The following LRRC61 variants were observed in gnomAD, a reference collection of about 807,000 sequenced individuals.
LRRC61 encodes leucine rich repeat containing 61, also known as leucine-rich repeat-containing protein 61.
A neutral mutation model predicts 15.1 loss-of-function variants in LRRC61; 9 were observed. The ratio of observed to expected loss-of-function variants is 0.60; its 90% CI spans 0.36 to 1.04. The LOEUF (loss-of-function observed/expected upper bound fraction) is 1.04, where lower values mean the gene tolerates loss of function less well. Among genes scored for constraint, LRRC61 ranks in the 50% least tolerant of loss-of-function variants. The pLI is 0.01. For missense variants in LRRC61, 344 were observed against 335.6 expected, an observed-to-expected ratio of 1.03 and a Z score of -0.20; for synonymous variants, 173 against 158.6, an observed-to-expected ratio of 1.09 and a Z score of -0.68.
At chr7:150,322,876 G>C (rs891425574), upstream of LRRC61, 2 of 152,314 alleles carry the variant, frequency 1.3e-5, no homozygotes, top group Admixed American at 1.3e-4. Flanking sequence ...CGATAGATGA[G>C]CCTTCCACGC....
Position 150,337,216 on chromosome 7 carries a change from G to T in LRRC61, c.355G>T (p.Ala119Ser). ...CACCCCGGGCCAGCTGCAGTGTCTG[G>T]CTGGGCTACCGTGCCTGGAGTACCT... is the stretch of plus-strand genomic sequence containing the variant. ...LATPGQLQCL[A>S]GLPCLEYLRL... Residue 119 changes from alanine to serine, a missense_variant, in exon 3 of 3, where the codon GCT (alanine) becomes TCT (serine). Transcript: ENST00000359623. 3.1e-6 allele frequency: 5 copies of T among 1,605,428 alleles called. No individual in the cohort carries two copies. Among genetic ancestry groups the T allele is most frequent in the Non-Finnish European group, 4.2e-6 (5 of 1,179,914 alleles).
In LRRC61 at chr7:150,323,451, C is replaced by A; in HGVS notation, c.-424C>A. 1 of 356,092 alleles carries A rather than the reference C, an allele frequency of 2.8e-6. No homozygotes were observed. Among genetic ancestry groups the A allele is most frequent in the South Asian group, 2.0e-5 (1 of 50,282 alleles). 22.1% of individuals were successfully genotyped at this position (356,092 alleles called of 1,614,324 possible). A position where few individuals can be genotyped will look rare whatever the true frequency, so the allele number is the denominator to read the frequency against. On this transcript the variant is annotated 5_prime_UTR_variant, in exon 1 of 3. Transcript: ENST00000359623. ...TCAGGGGCCGCCAGGCGGCGGGCGG[C>A]GGGGCTGCGGCTCTTACCTGCCGAG...
At position 150,336,809 on chromosome 7, in the gene LRRC61, A is replaced by G. The variant is rs957223541; in HGVS notation, c.-53A>G. 6.4e-7 allele frequency: 1 copy of G among 1,553,334 alleles called. No individual in the cohort carries two copies. Among genetic ancestry groups the G allele is most frequent in the Admixed American group, 1.8e-5 (1 of 56,010 alleles). On this transcript the variant is annotated 5_prime_UTR_variant, in exon 3 of 3. Coordinates refer to ENST00000359623, the MANE Select transcript of LRRC61 (RefSeq NM_001142928.2). Reference sequence around the variant, plus strand: ...GCGAGCACCAGCTGACCCCCAGTGGAACCCTGTGACAGTCCTGCCAGGGCC... The same window carrying G: ...GCGAGCACCAGCTGACCCCCAGTGGGACCCTGTGACAGTCCTGCCAGGGCC...
At chr7:150,322,968 G>C (rs539860513), upstream of LRRC61, 1 of 152,758 alleles carries the variant, frequency 6.5e-6, no homozygotes, top group Admixed American at 6.5e-5. Context: ...CGGGCGGTCA[G>C]CCTGGCACGC....
the LRRC61 span, among the ~76,000 whole-genome samples, chr7:150,310,727 A>C: frequency 1.3e-5 from 2 of 152,274 alleles, no homozygotes; most frequent in East Asian, 3.9e-4. Context: ...TTTCAGGAAC[A>C]GCCCACACTA....
the LRRC61 span, among the ~76,000 whole-genome samples, chr7:150,314,491 A>G: frequency 1.3e-5 from 2 of 152,094 alleles, no homozygotes; most frequent in African/African-American, 4.8e-5. Flanking sequence ...GGGGCGATGG[A>G]GCTTTGTGTA....
chr7:150,336,143 A>G (rs577584511), intron 2 of LRRC61, among the ~76,000 whole-genome samples: 1 of 152,340 alleles, frequency 6.6e-6, no homozygotes, highest in African/African-American at 2.4e-5. Context: ...ACTAAAGGCC[A>G]ACTTCTTATG....
Position 150,338,085 on chromosome 7 carries a change from C to A in LRRC61, c.*444C>A. 2.0e-6 allele frequency: 1 copy of A among 489,290 alleles called. No homozygotes were observed. Among genetic ancestry groups the A allele is most frequent in the Non-Finnish European group, 3.5e-6 (1 of 281,920 alleles). The allele number at this position is 489,290 out of a possible 1,614,324, so 30.3% of individuals were successfully genotyped here. On this transcript the variant is annotated 3_prime_UTR_variant, in exon 3 of 3. Transcript: ENST00000359623. ...CCTCTCCAGACTGCTCCTGCACTTA[C>A]CCCCTCCCCGCAGCACCTTCTCTGC...
At chr7:150,312,102 A>G in the LRRC61 span, among the ~76,000 whole-genome samples, 1 of 152,210 alleles carries the variant, frequency 6.6e-6, no homozygotes, top group South Asian at 2.1e-4. Flanking sequence ...CTACGCCAAC[A>G]AAATAGCCAA....
chr7:150,327,701 G>A (rs1435949878), intron 2 of LRRC61, among the ~76,000 whole-genome samples: 5 of 151,642 alleles, frequency 3.3e-5, no homozygotes, highest in Admixed American at 1.3e-4. Context: ...TACACCTGTA[G>A]TTCCAGCTAC....
chr7:150,325,242 G>A (rs1417494481), intron 1 of LRRC61, among the ~76,000 whole-genome samples: 4 of 152,122 alleles, frequency 2.6e-5, no homozygotes, highest in African/African-American at 4.8e-5. Context: ...CCATCACCCC[G>A]CCCTGCCGTC....
chr7:150,336,620 T>A, intron 2 of LRRC61, 98 bp from the exon 3 acceptor site: 1 of 574,816 alleles, frequency 1.7e-6, no homozygotes, highest in Non-Finnish European at 3.1e-6. Flanking sequence ...TGGCTGAGAT[T>A]GTTGGTTTTC....
rs1798068709 is a variant in LRRC61 at position 150,330,398 on chromosome 7, C to T, written c.-145+4388C>T. On this transcript the variant is annotated intron_variant, in intron 2 of 2. Coordinates refer to ENST00000359623, the MANE Select transcript of LRRC61 (RefSeq NM_001142928.2). This position sits in a 1 kb window ranked among gnomAD's most constrained non-coding sequence, Gnocchi z 4.6. ...ACAGCCTCAGCAAGCTCCTGTAGCC[C>T]TTCCAGATGGTGGTCCGCGAGGCGA... 1 of 767,704 alleles carries T rather than the reference C, an allele frequency of 1.3e-6. No homozygotes were observed. Among genetic ancestry groups the T allele is most frequent in the Middle Eastern group, 2.6e-4 (1 of 3,856 alleles). The allele number at this position is 767,704 out of a possible 1,614,324, so 47.6% of individuals were successfully genotyped here. A position where few individuals can be genotyped will look rare whatever the true frequency, so the allele number is the denominator to read the frequency against.
intron 2 of LRRC61, chr7:150,331,006 G>T: frequency 6.2e-7 from 1 of 1,611,840 alleles, no homozygotes. Context: ...AAGTATCTGT[G>T]GGAGAATGAG....
the LRRC61 span, among the ~76,000 whole-genome samples, chr7:150,313,307 T>C: frequency 6.6e-6 from 1 of 152,154 alleles, no homozygotes; most frequent in Admixed American, 6.5e-5. Flanking sequence ...GTGGGACAAC[T>C]TGAAATGGGG....
At chr7:150,329,086 G>T (rs1001749736) in intron 2 of LRRC61, among the ~76,000 whole-genome samples, 36 of 152,210 alleles carry the variant, frequency 2.4e-4, no homozygotes, top group Admixed American at 7.2e-4. Context: ...AGGTCGGGGG[G>T]TTTCAGGAGG....
chr7:150,315,493 T>G, the LRRC61 span, among the ~76,000 whole-genome samples: 1 of 152,156 alleles, frequency 6.6e-6, no homozygotes. Context: ...ATGCTCAGGA[T>G]GGAAGAAGTA....
At chr7:150,324,546 C>G (rs950398749) in intron 1 of LRRC61, 1 of 152,268 alleles carries the variant, frequency 6.6e-6, no homozygotes, top group East Asian at 1.9e-4. Flanking sequence ...TCCCCGTGAG[C>G]AATCAACATG....
intron 1 of LRRC61, chr7:150,323,783 C>T (rs1797817580): frequency 2.3e-6 from 1 of 442,032 alleles, no homozygotes; most frequent in African/African-American, 2.1e-5. Context: ...CACTAACAAT[C>T]TCATGAGGCG....
Sources: allele counts gnomAD v4.1 joint callset (sites outside exome capture counted in the v4.1 genomes callset), GRCh38; gene constraint gnomAD v4.1.1; non-coding constraint Gnocchi (gnomAD v3.1); transcripts MANE v1.5; gene names NCBI Gene and HGNC (gene_info 2026-07-23, HGNC 2026-07-21).